Variants in WASF2 observed in about 807,000 individuals in gnomAD.
WASF2 encodes the protein actin-binding protein WASF2.
WASF2 carries 14 observed loss-of-function variants against 45.0 expected under a neutral mutation model. That is an observed-to-expected ratio of 0.31 (90% CI 0.21 to 0.49). WASF2 has a LOEUF of 0.49. Among genes scored for constraint, WASF2 ranks in the 20% least tolerant of loss-of-function variants. WASF2 has a pLI of 0.99. For synonymous variants in WASF2, 200 were observed against 236.3 expected (o/e 0.85, Z 1.41); for missense variants, 439 against 636.1 (o/e 0.69, Z 3.33).
At chr1:27,452,329 A>G (rs2017394310) in intron 1 of WASF2, among the ~76,000 whole-genome samples, 1 of 152,196 alleles carries the variant, frequency 6.6e-6, no homozygotes, top group Non-Finnish European at 1.5e-5. Context: ...CTTGGCCAAC[A>G]TGGTGAAAAC....
At position 27,406,230 on chromosome 1, in the gene WASF2, C is replaced by G. The variant is rs1466755652; in HGVS notation, c.*1959G>C. On this transcript the variant is annotated 3_prime_UTR_variant, in exon 9 of 9. Transcript: ENST00000618852. ...GGCTTCTAAGGTGCAGGCTGGGAAACAAGGTGGGGGCCCACATAGCCTGGT... is the reference window on the plus strand; with the variant it reads ...GGCTTCTAAGGTGCAGGCTGGGAAAGAAGGTGGGGGCCCACATAGCCTGGT... 5 of 152,592 alleles carry G rather than the reference C, an allele frequency of 3.3e-5. No individual in the cohort carries two copies. Among genetic ancestry groups the G allele is most frequent in the African/African-American group, 1.2e-4 (5 of 41,450 alleles). The allele number at this position is 152,592 out of a possible 1,614,324, so 9.5% of individuals were successfully genotyped here.
At chr1:27,466,019 A>G (rs868475272) in intron 1 of WASF2, among the ~76,000 whole-genome samples, 1 of 152,218 alleles carries the variant, frequency 6.6e-6, no homozygotes. Flanking sequence ...AACACATCAA[A>G]TATGTTAACA....
chr1:27,464,780 G>A (rs1367271756), intron 1 of WASF2, among the ~76,000 whole-genome samples: 2 of 152,240 alleles, frequency 1.3e-5, no homozygotes, highest in African/African-American at 2.4e-5. Context: ...CCAGACTGGA[G>A]TGCAGTGGCA....
intron 2 of WASF2, among the ~76,000 whole-genome samples, chr1:27,426,200 T>C (rs1273326353): frequency 3.3e-5 from 5 of 152,214 alleles, no homozygotes; most frequent in Non-Finnish European, 5.9e-5. Flanking sequence ...AAACACTTGT[T>C]ACATTACAAA....
chr1:27,415,956 G>A, intron 5 of WASF2, 29 bp downstream of exon 5: 3 of 1,571,834 alleles, frequency 1.9e-6, no homozygotes, highest in Non-Finnish European at 2.6e-6. Context: ...GCCTACTGAT[G>A]TGGAGAACAG....
At position 27,405,385 on chromosome 1, in the gene WASF2, G is replaced by T. The variant is rs1242562371; in HGVS notation, c.*2804C>A. On this transcript the variant is annotated 3_prime_UTR_variant, in exon 9 of 9. Coordinates refer to ENST00000618852, the MANE Select transcript of WASF2 (RefSeq NM_006990.5). Reference sequence around the variant, plus strand: ...CTGGGCCCCAGGGCCACAGGAATGGGGGCAGGTCCCTTGGGCGGGGTGAAC... The same window carrying T: ...CTGGGCCCCAGGGCCACAGGAATGGTGGCAGGTCCCTTGGGCGGGGTGAAC... The T allele has an allele frequency of 6.6e-6, 1 of 152,342 alleles. No individual in the cohort carries two copies. Among genetic ancestry groups the T allele is most frequent in the Admixed American group, 6.5e-5 (1 of 15,288 alleles). 9.4% of individuals were successfully genotyped at this position (152,342 alleles called of 1,614,324 possible).
rs752518755 is a variant in WASF2 at position 27,409,938 on chromosome 1, G to A, written c.1093C>T (p.Pro365Ser). The change falls in exon 8 of 9, where the codon CCA becomes TCA. Residue 365 changes from proline to serine, a missense_variant. Coordinates refer to ENST00000618852, the MANE Select transcript of WASF2 (RefSeq NM_006990.5). Reference protein sequence around the residue: ...FPPHPDFAAPPPPPPPPAADY... With the variant: ...FPPHPDFAAPSPPPPPPAADY... The stretch of plus-strand genomic sequence containing the variant: ...GCTGCTGGTGGTGGAGGAGGAGGTG[G>A]AGGGGCAGCAAAATCAGGGTGAGGT... 2 of 1,606,308 alleles carry A rather than the reference G, an allele frequency of 1.2e-6. No homozygotes were observed. The highest frequency in any genetic ancestry group is 1.7e-6 in the Non-Finnish European group (2 of 1,175,928).
intron 1 of WASF2, among the ~76,000 whole-genome samples, chr1:27,452,412 C>A (rs1266624650): frequency 6.6e-6 from 1 of 152,110 alleles, no homozygotes; most frequent in Non-Finnish European, 1.5e-5. Flanking sequence ...ACTTGGGAAA[C>A]TGAGGCAGGA....
chr1:27,473,694 AC>A (rs2017725275), intron 1 of WASF2, among the ~76,000 whole-genome samples: 1 of 152,216 alleles, frequency 6.6e-6, no homozygotes, highest in African/African-American at 2.4e-5. Context: ...GTCACAAAAA[AC>A]ATCACCAAAC....
At chr1:27,473,312 C>T (rs576411220) in intron 1 of WASF2, among the ~76,000 whole-genome samples, 303 of 151,752 alleles carry the variant, frequency 2.0e-3, no homozygotes, top group South Asian at 6.9e-3. Context: ...AACCCCGTCT[C>T]TACTAAAAAT....
intron 1 of WASF2, among the ~76,000 whole-genome samples, chr1:27,464,069 A>G (rs2017584375): frequency 6.6e-6 from 1 of 151,946 alleles, no homozygotes; most frequent in African/African-American, 2.4e-5. Context: ...TTTTGGTCAT[A>G]CAAAGCTTCT....
Position 27,407,883 on chromosome 1 carries a change from C to T in WASF2, c.*306G>A. ...AGGGAAGCCCCATCTCCAACAGAAA[C>T]CCGATCAAAGGAATCTGCTTTGGGA... On this transcript the variant is annotated 3_prime_UTR_variant, in exon 9 of 9. Transcript: ENST00000618852. The T allele has an allele frequency of 3.7e-6, 1 of 268,084 alleles. No individual in the cohort carries two copies. The highest frequency in any genetic ancestry group is 7.1e-6 in the Non-Finnish European group (1 of 141,326). 16.6% of individuals were successfully genotyped at this position (268,084 alleles called of 1,614,324 possible).
intron 1 of WASF2, among the ~76,000 whole-genome samples, chr1:27,478,154 G>A (rs566585455): frequency 1.9e-4 from 28 of 151,150 alleles, no homozygotes; most frequent in African/African-American, 5.3e-4. Context: ...AGGTTGCAGC[G>A]AGCCGAGATC....
chr1:27,440,764 T>C (rs1189170608), intron 1 of WASF2, among the ~76,000 whole-genome samples: 2 of 152,034 alleles, frequency 1.3e-5, no homozygotes, highest in Admixed American at 6.6e-5. Flanking sequence ...ATGCATTCTA[T>C]AACTCAGACT....
At chr1:27,421,107 TAATC>T (rs1484231479) in intron 2 of WASF2, among the ~76,000 whole-genome samples, 1 of 152,228 alleles carries the variant, frequency 6.6e-6, no homozygotes, top group Middle Eastern at 3.2e-3. Context: ...TAAGGACTTC[TAATC>T]AAGGAAGAAG....
At chr1:27,445,559 TTAA>T (rs2017299467) in intron 1 of WASF2, among the ~76,000 whole-genome samples, 1 of 152,348 alleles carries the variant, frequency 6.6e-6, no homozygotes, top group African/African-American at 2.4e-5. Context: ...TGAAATGGTG[TTAA>T]TGAGTATAAC....
Position 27,454,170 on chromosome 1 carries a change from TATATATATATATATATA to T in WASF2, c.-43-25254_-43-25238del, listed in dbSNP as rs1329193310. Among the ~76,000 whole-genome samples, 28 of 52,962 alleles carry T rather than the reference TATATATATATATATATA, an allele frequency of 5.3e-4. No individual in the cohort carries two copies. The South Asian group carries it at 0.012, about 23-fold the overall frequency. The allele number at this position is 52,962 out of a possible 152,430, so 34.7% of individuals were successfully genotyped here. ...GTGTGTGTGTATATATATATATATA[TATATATATATATATATA>T]TTTTTTTTTTTTTTTTTTTTTTAAA... On this transcript the variant is annotated intron_variant, in intron 1 of 8. Coordinates refer to ENST00000618852, the MANE Select transcript of WASF2 (RefSeq NM_006990.5).
chr1:27,420,287 C>T (rs1315882477), intron 2 of WASF2, among the ~76,000 whole-genome samples: 1 of 152,142 alleles, frequency 6.6e-6, no homozygotes, highest in Non-Finnish European at 1.5e-5. Flanking sequence ...AAAGCTGAAA[C>T]TTTCAAGCCC....
At chr1:27,487,691 TA>T (rs1415334546) in intron 1 of WASF2, among the ~76,000 whole-genome samples, 1 of 112,380 alleles carries the variant, frequency 8.9e-6, no homozygotes, top group Non-Finnish European at 1.7e-5. Flanking sequence ...TAATATATAA[TA>T]TATATTTTAT....
Sources: allele counts gnomAD v4.1 joint callset (sites outside exome capture counted in the v4.1 genomes callset), GRCh38; gene constraint gnomAD v4.1.1; transcripts MANE v1.5; gene names NCBI Gene and HGNC (gene_info 2026-07-23, HGNC 2026-07-21).